Variants in ROBO2 observed in about 807,000 individuals in gnomAD.
The protein encoded by ROBO2 is roundabout guidance receptor 2.
A neutral mutation model predicts 160.8 loss-of-function variants in ROBO2; 53 were observed. That is an observed-to-expected ratio of 0.33 (90% CI 0.26 to 0.41). The LOEUF is 0.41. Among genes scored for constraint, ROBO2 ranks in the 10% least tolerant of loss-of-function variants. ROBO2 has a pLI of 1.00. For missense variants in ROBO2, 1,577 were observed against 1,722.4 expected (o/e 0.92, Z 1.49); for synonymous variants, 664 against 611.7 (o/e 1.09, Z -1.26).
At chr3:77,342,594 C>T (rs1158725201) in intron 2 of ROBO2, among the ~76,000 whole-genome samples, 1 of 152,086 alleles carries the variant, frequency 6.6e-6, no homozygotes, top group East Asian at 1.9e-4. Context: ...TGCTAGGAGG[C>T]TTCTTGGAGT....
intron 2 of ROBO2, among the ~76,000 whole-genome samples, chr3:77,169,700 T>G (rs2150729716): frequency 6.6e-6 from 1 of 152,312 alleles, no homozygotes; most frequent in East Asian, 1.9e-4. Flanking sequence ...AGGACTGCCT[T>G]GATGTTTGCA....
intron 2 of ROBO2, among the ~76,000 whole-genome samples, chr3:76,560,949 T>G (rs1341150394): frequency 6.9e-5 from 10 of 144,064 alleles, no homozygotes; most frequent in African/African-American, 1.8e-4. Context: ...TATATATATA[T>G]ATATATATAT....
intron 2 of ROBO2, among the ~76,000 whole-genome samples, chr3:77,372,635 G>A (rs2071943554): frequency 6.6e-6 from 1 of 152,024 alleles, no homozygotes; most frequent in African/African-American, 2.4e-5. Flanking sequence ...TGCATAAAAT[G>A]TAAATTAAAG....
chr3:76,727,096 G>A (rs1025071365), intron 2 of ROBO2, among the ~76,000 whole-genome samples: 5 of 151,854 alleles, frequency 3.3e-5, no homozygotes, highest in Admixed American at 3.3e-4. Flanking sequence ...TTTCTTGACT[G>A]TTGCATATGT....
rs546504195 is a variant in ROBO2, at chr3:76,924,401, C to T, written c.110-173613C>T. ...TTCCCTCTTTAACTATGTGAGGACA[C>T]GGCAGGAAGTTACCATCTGTGAACC... On this transcript the variant is annotated intron_variant, in intron 2 of 26. Coordinates refer to the ROBO2 transcript ENST00000487694. 1.9e-3 allele frequency among the ~76,000 whole-genome samples: 282 copies of T among 152,264 alleles called. 3 individuals carry two copies. The highest frequency in any genetic ancestry group is 4.4e-3 in the Admixed American group (68 of 15,288).
At chr3:76,846,869 A>G (rs1407233923) in intron 2 of ROBO2, among the ~76,000 whole-genome samples, 2 of 152,176 alleles carry the variant, frequency 1.3e-5, no homozygotes, top group East Asian at 1.9e-4. Flanking sequence ...GTCTGTAGCT[A>G]TAATTCAGTT....
intron 2 of ROBO2, among the ~76,000 whole-genome samples, chr3:77,394,898 C>T (rs1427122664): frequency 6.6e-6 from 1 of 152,090 alleles, no homozygotes; most frequent in Admixed American, 6.6e-5. Context: ...AACTTTAATG[C>T]CAATTCTTCA....
At chr3:76,968,590 C>T (rs2149271060) in intron 2 of ROBO2, among the ~76,000 whole-genome samples, 1 of 152,236 alleles carries the variant, frequency 6.6e-6, no homozygotes, top group South Asian at 2.1e-4. Flanking sequence ...GTCAATGGTT[C>T]AAACTGTGTT....
chr3:76,603,332 C>CAAAAAA (rs61547121), intron 2 of ROBO2, among the ~76,000 whole-genome samples: 14 of 66,504 alleles, frequency 2.1e-4, no homozygotes, highest in African/African-American at 1.2e-3. Context: ...ACTCCATCTC[C>CAAAAAA]AAAAAAAAAA....
intron 2 of ROBO2, among the ~76,000 whole-genome samples, chr3:76,136,375 AAC>A (rs1315843732): frequency 4.0e-4 from 61 of 152,128 alleles, no homozygotes; most frequent in Non-Finnish European, 8.8e-5. Flanking sequence ...ACTTAAAATG[AAC>A]AGTGTTCAGA....
intron 2 of ROBO2, among the ~76,000 whole-genome samples, chr3:76,974,376 GCTGGC>G (rs1274247056): frequency 6.6e-6 from 1 of 151,878 alleles, no homozygotes; most frequent in Non-Finnish European, 1.5e-5. Flanking sequence ...TTAGTGAATA[GCTGGC>G]CAGAAACTGT....
At chr3:76,963,745 A>G (rs560402739) in intron 2 of ROBO2, among the ~76,000 whole-genome samples, 54 of 151,974 alleles carry the variant, frequency 3.6e-4, no homozygotes, top group African/African-American at 1.2e-3. Context: ...AAAAAGACCT[A>G]AATTATTAGA....
intron 2 of ROBO2, among the ~76,000 whole-genome samples, chr3:76,681,220 G>T (rs1177450901): frequency 6.6e-6 from 1 of 152,144 alleles, no homozygotes; most frequent in Admixed American, 6.5e-5. Flanking sequence ...GAAATGATTA[G>T]AGAAAGAGAA....
chr3:77,012,243 A>C (rs959416012), intron 2 of ROBO2, among the ~76,000 whole-genome samples: 1 of 152,132 alleles, frequency 6.6e-6, no homozygotes, highest in East Asian at 1.9e-4. Context: ...CCCTGGAATA[A>C]CCTGTGGTCC....
intron 1 of ROBO2, among the ~76,000 whole-genome samples, chr3:77,054,531 A>G (rs1405253473): frequency 1.3e-5 from 2 of 152,142 alleles, no homozygotes; most frequent in Non-Finnish European, 2.9e-5. Context: ...CATTTACCAC[A>G]TTCCTGGTTA....
chr3:76,904,956 T>C (rs1386894178), intron 2 of ROBO2, among the ~76,000 whole-genome samples: 1 of 152,118 alleles, frequency 6.6e-6, no homozygotes, highest in Non-Finnish European at 1.5e-5. Flanking sequence ...GAAAGTATTA[T>C]CCTATAAGTA....
intron 2 of ROBO2, among the ~76,000 whole-genome samples, chr3:76,930,469 T>A (rs2077267026): frequency 6.6e-6 from 1 of 152,224 alleles, no homozygotes; most frequent in South Asian, 2.1e-4. Context: ...CCTACTTATT[T>A]TTTTTATCAC....
At chr3:76,980,079 T>A (rs1349011096) in intron 2 of ROBO2, among the ~76,000 whole-genome samples, 1 of 152,158 alleles carries the variant, frequency 6.6e-6, no homozygotes, top group Admixed American at 6.5e-5. Flanking sequence ...TAACTTACTT[T>A]GAATCATGAG....
intron 2 of ROBO2, among the ~76,000 whole-genome samples, chr3:75,966,912 A>G (rs1435761139): frequency 1.3e-5 from 2 of 151,666 alleles, no homozygotes; most frequent in Non-Finnish European, 3.0e-5. Flanking sequence ...TAATTTTCAC[A>G]TATACAATTA....
Sources: allele counts gnomAD v4.1 joint callset (sites outside exome capture counted in the v4.1 genomes callset), GRCh38; gene constraint gnomAD v4.1.1; transcripts MANE v1.5; gene names NCBI Gene and HGNC (gene_info 2026-07-23, HGNC 2026-07-21).